The following SLC25A21 variants were observed in gnomAD, a reference collection of about 807,000 sequenced individuals.
The protein encoded by SLC25A21 is mitochondrial 2-oxodicarboxylate carrier.
SLC25A21 carries 47 observed loss-of-function variants against 43.8 expected under a neutral mutation model. The ratio of observed to expected loss-of-function variants is 1.07; its 90% CI spans 0.85 to 1.37. The LOEUF is 1.37. Among genes scored for constraint, SLC25A21 ranks in the 40% most tolerant of loss-of-function variants. SLC25A21 has a pLI of 0.00. For synonymous variants in SLC25A21, 131 were observed against 121.3 expected, an observed-to-expected ratio of 1.08 and a Z score of -0.52; for missense variants, 352 against 350.2, an observed-to-expected ratio of 1.00 and a Z score of -0.04.
At chr14:37,009,035 A>G (rs1960671348) in intron 1 of SLC25A21, among the ~76,000 whole-genome samples, 1 of 152,200 alleles carries the variant, frequency 6.6e-6, no homozygotes, top group Admixed American at 6.6e-5. Flanking sequence ...AGACGAGAGC[A>G]CATTAGAGCA....
intron 1 of SLC25A21, among the ~76,000 whole-genome samples, chr14:36,958,678 T>TGCAC (rs1959405909): frequency 9.3e-6 from 1 of 107,660 alleles, no homozygotes; most frequent in Non-Finnish European, 1.9e-5. Context: ...TAAGCACACG[T>TGCAC]GCACACACAC....
intron 1 of SLC25A21, among the ~76,000 whole-genome samples, chr14:37,142,686 T>C (rs915037069): frequency 6.6e-6 from 1 of 152,158 alleles, no homozygotes; most frequent in African/African-American, 2.4e-5. Flanking sequence ...ATAGTGTTCA[T>C]GAATAGAAGT....
intron 1 of SLC25A21, among the ~76,000 whole-genome samples, chr14:36,892,056 T>C (rs1462700196): frequency 6.6e-6 from 1 of 152,164 alleles, no homozygotes; most frequent in Middle Eastern, 3.2e-3. Context: ...ATCACAGACT[T>C]GCTAACCACA....
chr14:36,752,480 A>G (rs1024715989), intron 3 of SLC25A21, among the ~76,000 whole-genome samples: 1 of 152,238 alleles, frequency 6.6e-6, no homozygotes, highest in Non-Finnish European at 1.5e-5. Flanking sequence ...ACAATAGCCA[A>G]AAGGTGAAAA....
intron 1 of SLC25A21, among the ~76,000 whole-genome samples, chr14:36,898,375 C>T (rs1435805323): frequency 2.0e-5 from 3 of 152,194 alleles, no homozygotes; most frequent in African/African-American, 2.4e-5. Flanking sequence ...TTGCTAAGAC[C>T]GTTGGAAAAG....
intron 2 of SLC25A21, among the ~76,000 whole-genome samples, chr14:36,860,362 T>G (rs1416665291): frequency 3.3e-5 from 5 of 152,182 alleles, no homozygotes; most frequent in African/African-American, 1.2e-4. Context: ...GAATATCAGA[T>G]TAGAAGAAGC....
chr14:37,005,010 G>A (rs982362404), intron 1 of SLC25A21, among the ~76,000 whole-genome samples: 5 of 150,160 alleles, frequency 3.3e-5, no homozygotes, highest in African/African-American at 1.2e-4. Context: ...TATCCCTTCA[G>A]AGCCCAGCTG....
intron 1 of SLC25A21, among the ~76,000 whole-genome samples, chr14:37,121,940 C>G (rs75902619): frequency 6.8e-6 from 1 of 146,848 alleles, no homozygotes; most frequent in Non-Finnish European, 1.5e-5. Flanking sequence ...ATCAAGTGTC[C>G]CCTAATGCCC....
chr14:37,172,436 G>A lies in SLC25A21; in HGVS notation c.-86C>T, dbSNP rs1442062313. On this transcript the variant is annotated 5_prime_UTR_variant, in exon 1 of 10. Transcript: ENST00000331299. The stretch of plus-strand genomic sequence containing the variant: ...ACAGCCTACTGATCCAGAGAGCCCC[G>A]GCTGGGCTGGTCCTCAAGCGCGTTG... The A allele has an allele frequency of 3.6e-6, 5 of 1,398,458 alleles. No homozygotes were observed. The highest frequency in any genetic ancestry group is 1.2e-5 in the South Asian group (1 of 81,086). The allele number at this position is 1,398,458 out of a possible 1,614,324, so 86.6% of individuals were successfully genotyped here. A position where few individuals can be genotyped will look rare whatever the true frequency, so the allele number is the denominator to read the frequency against.
chr14:37,104,226 A>G (rs725243), intron 1 of SLC25A21, among the ~76,000 whole-genome samples: 143,113 of 152,222 alleles, frequency 0.94, 67,410 homozygotes, highest in East Asian at 1. Flanking sequence ...CCCTTATAAC[A>G]GGGGCTCAAG....
intron 3 of SLC25A21, among the ~76,000 whole-genome samples, chr14:36,781,716 A>G (rs1887070427): frequency 6.6e-6 from 1 of 152,218 alleles, no homozygotes; most frequent in East Asian, 1.9e-4. Context: ...TTGCAGTTAT[A>G]GTTACTTTTA....
chr14:36,748,926 C>A (rs982357919), intron 3 of SLC25A21, among the ~76,000 whole-genome samples: 1 of 152,170 alleles, frequency 6.6e-6, no homozygotes, highest in Non-Finnish European at 1.5e-5. Flanking sequence ...CCTAAGCCTG[C>A]CTTTTTACAT....
At chr14:36,717,862 A>T (rs1884209396) in intron 6 of SLC25A21, among the ~76,000 whole-genome samples, 1 of 152,176 alleles carries the variant, frequency 6.6e-6, no homozygotes, top group Admixed American at 6.5e-5. Flanking sequence ...CATCAACCTT[A>T]TAAAGAGAGG....
At chr14:37,144,547 A>C (rs1963626363) in intron 1 of SLC25A21, among the ~76,000 whole-genome samples, 1 of 152,188 alleles carries the variant, frequency 6.6e-6, no homozygotes, top group African/African-American at 2.4e-5. Flanking sequence ...CTCCATTTTC[A>C]GGGGTGGCAG....
At chr14:36,837,937 C>G (rs900033526) in intron 2 of SLC25A21, among the ~76,000 whole-genome samples, 11 of 152,144 alleles carry the variant, frequency 7.2e-5, no homozygotes, top group African/African-American at 2.4e-4. Flanking sequence ...AGATGGACTC[C>G]ACACTTAACA....
chr14:36,788,377 G>A (rs1052243409), intron 3 of SLC25A21, among the ~76,000 whole-genome samples: 3 of 151,356 alleles, frequency 2.0e-5, no homozygotes, highest in African/African-American at 7.3e-5. Context: ...TGAGAACGGC[G>A]GCTGTTATCT....
At chr14:36,993,363 A>G (rs906861053) in intron 1 of SLC25A21, among the ~76,000 whole-genome samples, 1 of 152,212 alleles carries the variant, frequency 6.6e-6, no homozygotes, top group African/African-American at 2.4e-5. Context: ...CTTTAAAAAT[A>G]AAAAGTGAAT....
At chr14:36,712,838 G>T (rs1368030904) in intron 6 of SLC25A21, among the ~76,000 whole-genome samples, 1 of 152,148 alleles carries the variant, frequency 6.6e-6, no homozygotes, top group African/African-American at 2.4e-5. Context: ...GACAACATGA[G>T]ATTTTTTTGT....
At chr14:37,070,242 C>G (rs753705715) in intron 1 of SLC25A21, among the ~76,000 whole-genome samples, 1 of 152,180 alleles carries the variant, frequency 6.6e-6, no homozygotes, top group Non-Finnish European at 1.5e-5. Flanking sequence ...AGGAAGAGGT[C>G]TGATTTCCTT....
Sources: gnomAD v4.1 joint callset for allele counts (sites outside exome capture counted in the v4.1 genomes callset) on GRCh38, gnomAD v4.1.1 for gene constraint, MANE v1.5 for transcripts, NCBI Gene and HGNC (gene_info 2026-07-23, HGNC 2026-07-21) for gene names.